INPP4B: variants seen among roughly 807,000 people sequenced by gnomAD.
INPP4B encodes inositol polyphosphate-4-phosphatase type II B, also known as inositol polyphosphate 4-phosphatase type II.
A neutral mutation model predicts 122.5 loss-of-function variants in INPP4B; 55 were observed. That is an observed-to-expected ratio of 0.45 (90% CI 0.36 to 0.56). The LOEUF (loss-of-function observed/expected upper bound fraction) is 0.56, where lower values mean the gene tolerates loss of function less well. Ranked by LOEUF, INPP4B falls within the 20% of genes least tolerant of loss-of-function variation. The probability of loss-of-function intolerance (pLI) is 0.00; values close to 1 mark genes in which losing one functional copy is unlikely to be tolerated. For missense variants in INPP4B, 1,000 were observed against 1,097.7 expected, an observed-to-expected ratio of 0.91 and a Z score of 1.26; for synonymous variants, 403 against 388.7, an observed-to-expected ratio of 1.04 and a Z score of -0.43.
chr4:142,440,717 G>A (rs1811521966), intron 3 of INPP4B, among the ~76,000 whole-genome samples: 1 of 149,852 alleles, frequency 6.7e-6, no homozygotes, highest in South Asian at 2.1e-4. Flanking sequence ...AAAACTTTGA[G>A]TCTCCTTCTT....
At chr4:142,332,638 A>C (rs564484570) in intron 7 of INPP4B, among the ~76,000 whole-genome samples, 1 of 152,252 alleles carries the variant, frequency 6.6e-6, no homozygotes, top group African/African-American at 2.4e-5. Flanking sequence ...ATTGGTGGTT[A>C]AATGACTGGT....
intron 9 of INPP4B, among the ~76,000 whole-genome samples, chr4:142,277,855 C>T (rs1749352184): frequency 6.6e-6 from 1 of 151,780 alleles, no homozygotes. Context: ...GGGAGTTAAG[C>T]TATGAGGACG....
chr4:142,416,548 A>T (rs1156711800), intron 5 of INPP4B, among the ~76,000 whole-genome samples: 1 of 152,140 alleles, frequency 6.6e-6, no homozygotes, highest in African/African-American at 2.4e-5. Context: ...TTTTACCAGT[A>T]GAATTAAATT....
intron 7 of INPP4B, among the ~76,000 whole-genome samples, chr4:142,376,553 T>C (rs917586391): frequency 2.0e-5 from 3 of 152,054 alleles, no homozygotes; most frequent in African/African-American, 7.2e-5. Context: ...ACACAGTTAC[T>C]CTAGACACCT....
At chr4:142,562,675 G>C (rs1163195059) in intron 2 of INPP4B, among the ~76,000 whole-genome samples, 1 of 150,996 alleles carries the variant, frequency 6.6e-6, no homozygotes, top group South Asian at 2.1e-4. Context: ...GAAAACAAAA[G>C]ATTTATAAGA....
Position 142,092,030 on chromosome 4 carries a change from C to G in INPP4B, c.2375-5774G>C, listed in dbSNP as rs1035934682. On this transcript the variant is annotated intron_variant, in intron 23 of 25. Coordinates refer to ENST00000262992, the MANE Select transcript of INPP4B (RefSeq NM_001101669.3). ...TGATCCATACCCCTTGAAATCAAGA[C>G]TAGTTCACGAATAGACATGATCTAA... is the stretch of plus-strand genomic sequence containing the variant. Among the ~76,000 whole-genome samples the G allele has an allele frequency of 6.6e-5, 10 of 152,290 alleles. No homozygotes were observed. The East Asian group carries it at 1.9e-3, about 29-fold the overall frequency.
chr4:142,626,623 A>G (rs1321846717), intron 2 of INPP4B, among the ~76,000 whole-genome samples: 1 of 152,020 alleles, frequency 6.6e-6, no homozygotes, highest in Non-Finnish European at 1.5e-5. Flanking sequence ...GATCATGGGC[A>G]ATGACCCCAG....
chr4:142,066,679 C>T (rs1039881704), intron 25 of INPP4B, among the ~76,000 whole-genome samples: 2 of 152,224 alleles, frequency 1.3e-5, no homozygotes, highest in Non-Finnish European at 2.9e-5. Context: ...GATTATATCC[C>T]GTGCATGGCT....
chr4:142,524,727 G>A (rs1159093430), intron 2 of INPP4B, among the ~76,000 whole-genome samples: 3 of 152,078 alleles, frequency 2.0e-5, no homozygotes, highest in Non-Finnish European at 2.9e-5. Context: ...AGGTATTGAC[G>A]GGACGTATTT....
At chr4:142,315,931 T>C (rs1405454221) in intron 7 of INPP4B, among the ~76,000 whole-genome samples, 1 of 151,896 alleles carries the variant, frequency 6.6e-6, no homozygotes. Flanking sequence ...TACCTGACCA[T>C]ACCAGGTCAA....
intron 3 of INPP4B, among the ~76,000 whole-genome samples, chr4:142,435,372 C>T (rs1173443529): frequency 1.3e-5 from 2 of 150,076 alleles, no homozygotes; most frequent in African/African-American, 2.5e-5. Flanking sequence ...ATTCCTACCA[C>T]AAATTTAATT....
intron 25 of INPP4B, among the ~76,000 whole-genome samples, chr4:142,054,903 T>C (rs1756767179): frequency 6.6e-6 from 1 of 152,088 alleles, no homozygotes; most frequent in African/African-American, 2.4e-5. Context: ...CAGAATGATG[T>C]GTTCCACTCA....
At chr4:142,760,175 C>T (rs377132889) in intron 1 of INPP4B, among the ~76,000 whole-genome samples, 1 of 152,236 alleles carries the variant, frequency 6.6e-6, no homozygotes, top group East Asian at 1.9e-4. Flanking sequence ...CTACATTTCT[C>T]ATTAAGTAGA....
chr4:142,192,568 G>A (rs1836470420), intron 15 of INPP4B, among the ~76,000 whole-genome samples: 1 of 152,048 alleles, frequency 6.6e-6, no homozygotes, highest in Admixed American at 6.6e-5. Context: ...ACTGGGGAAA[G>A]AGTATATCAA....
At chr4:142,099,873 T>C (rs1416107168) in intron 23 of INPP4B, among the ~76,000 whole-genome samples, 1 of 152,148 alleles carries the variant, frequency 6.6e-6, no homozygotes, top group Non-Finnish European at 1.5e-5. Context: ...TACACTCATG[T>C]CCAGAGTACA....
intron 1 of INPP4B, among the ~76,000 whole-genome samples, chr4:142,728,645 A>T (rs1765652138): frequency 6.6e-6 from 1 of 152,174 alleles, no homozygotes; most frequent in South Asian, 2.1e-4. Flanking sequence ...GTGCCATATG[A>T]CAAGACAGGC....
intron 1 of INPP4B, among the ~76,000 whole-genome samples, chr4:142,733,666 C>T (rs999375964): frequency 1.3e-5 from 2 of 152,032 alleles, no homozygotes; most frequent in African/African-American, 2.4e-5. Flanking sequence ...CTGTCATATC[C>T]TGCTGGTAGG....
chr4:142,612,688 G>GA (rs980245990), intron 2 of INPP4B, among the ~76,000 whole-genome samples: 1 of 152,134 alleles, frequency 6.6e-6, no homozygotes, highest in African/African-American at 2.4e-5. Flanking sequence ...GAAAGGGAAA[G>GA]AAAACTCCCT....
chr4:142,122,021 A>C, intron 21 of INPP4B, 107 bp downstream of exon 21: 1 of 727,092 alleles, frequency 1.4e-6, no homozygotes, highest in Admixed American at 2.7e-5. Flanking sequence ...GAAAAAAAAC[A>C]AAAGAAATAT....
Sources: gnomAD v4.1 joint callset for allele counts (sites outside exome capture counted in the v4.1 genomes callset) on GRCh38, gnomAD v4.1.1 for gene constraint, MANE v1.5 for transcripts, NCBI Gene and HGNC (gene_info 2026-07-23, HGNC 2026-07-21) for gene names.